The following RORA variants were observed in gnomAD, a reference collection of about 807,000 sequenced individuals.
RORA encodes RAR related orphan receptor A.
A neutral mutation model predicts 69.5 loss-of-function variants in RORA; 7 were observed. That is an observed-to-expected ratio of 0.10 (90% CI 0.06 to 0.19). The LOEUF is 0.19. Ranked by LOEUF, RORA falls within the 10% of genes least tolerant of loss-of-function variation. The probability of loss-of-function intolerance (pLI) is 1.00; values close to 1 mark genes in which losing one functional copy is unlikely to be tolerated. For missense variants in RORA, 457 were observed against 663.0 expected (o/e 0.69, Z 3.41); for synonymous variants, 261 against 240.8 (o/e 1.08, Z -0.78).
intron 1 of RORA, among the ~76,000 whole-genome samples, chr15:61,130,016 C>A (rs1476551995): frequency 6.6e-6 from 1 of 152,134 alleles, no homozygotes; most frequent in African/African-American, 2.4e-5. Flanking sequence ...CATGGCTGCA[C>A]CCTGATAGTG....
intron 2 of RORA, among the ~76,000 whole-genome samples, chr15:60,586,514 TAC>T (rs1281443226): frequency 3.9e-5 from 6 of 152,268 alleles, no homozygotes; most frequent in East Asian, 3.9e-4. Flanking sequence ...TCAAATGACT[TAC>T]AGTCTTTCAT....
rs543024919 is a variant in RORA, at chr15:60,713,194, G to A, written c.167-34508C>T. On this transcript the variant is annotated intron_variant, in intron 1 of 10. Transcript: ENST00000335670. ...CATAAAGCCAGCAATCCATGCCAGA[G>A]AAGCCCAGGAATGTTCCCCCTTAGT... 5.9e-5 allele frequency among the ~76,000 whole-genome samples: 9 copies of A among 152,210 alleles called. No individual in the cohort carries two copies. In the South Asian group the frequency reaches 1.9e-3, roughly 32 times the overall value.
At chr15:60,948,098 G>C (rs28558273) in intron 1 of RORA, among the ~76,000 whole-genome samples, 3,886 of 152,228 alleles carry the variant, frequency 0.026, 158 homozygotes, top group African/African-American at 0.088. Flanking sequence ...AGACGGCTAA[G>C]ACAACCAGGT....
chr15:61,095,279 G>A (rs1183854167), intron 1 of RORA, among the ~76,000 whole-genome samples: 1 of 152,038 alleles, frequency 6.6e-6, no homozygotes, highest in Non-Finnish European at 1.5e-5. Flanking sequence ...ATCATAGGGG[G>A]TAGTTTTTAG....
intron 2 of RORA, among the ~76,000 whole-genome samples, chr15:60,651,081 AC>A (rs2070136335): frequency 6.6e-6 from 1 of 152,172 alleles, no homozygotes; most frequent in African/African-American, 2.4e-5. Flanking sequence ...AGAGGAAGAA[AC>A]TTTTGGAGTA....
chr15:60,742,393 TATGGTGTACAAC>T (rs1326935976), intron 1 of RORA, among the ~76,000 whole-genome samples: 1 of 152,224 alleles, frequency 6.6e-6, no homozygotes, highest in Non-Finnish European at 1.5e-5. Context: ...GGTATGTGTC[TATGGTGTACAAC>T]ATATTTTGAT....
intron 1 of RORA, among the ~76,000 whole-genome samples, chr15:61,045,959 C>T (rs1394724174): frequency 6.6e-6 from 1 of 152,152 alleles, no homozygotes; most frequent in Non-Finnish European, 1.5e-5. Flanking sequence ...GCAGTCTCCC[C>T]CAGACATCTG....
At chr15:60,805,996 G>T (rs2198917) in intron 1 of RORA, among the ~76,000 whole-genome samples, 4 of 152,140 alleles carry the variant, frequency 2.6e-5, no homozygotes, top group Non-Finnish European at 5.9e-5. Context: ...ATCTGTAGGG[G>T]GTAGATTGGG....
intron 1 of RORA, among the ~76,000 whole-genome samples, chr15:60,705,127 G>GA (rs11425134): frequency 0.79 from 116,444 of 147,266 alleles, 46,098 homozygotes; most frequent in East Asian, 0.89. Context: ...TTTTGTGCCA[G>GA]AAAAAAAAAA....
At chr15:61,008,309 C>T (rs1050433442) in intron 1 of RORA, among the ~76,000 whole-genome samples, 3 of 150,912 alleles carry the variant, frequency 2.0e-5, no homozygotes, top group African/African-American at 7.3e-5. Flanking sequence ...CTTTTTCCTC[C>T]ATGGGACCCA....
rs146833888 is a variant in RORA at position 60,730,408 on chromosome 15, C to T, written c.167-51722G>A. On this transcript the variant is annotated intron_variant, in intron 1 of 10. Transcript: ENST00000335670. ...CTGATTTCTTTTGTGGTTGTCTTAT[C>T]GTTCAATTAATTTAAACCAACCATT... 9.2e-5 allele frequency among the ~76,000 whole-genome samples: 14 copies of T among 152,248 alleles called. No individual in the cohort carries two copies. The East Asian group carries it at 1.3e-3, about 15-fold the overall frequency.
chr15:61,156,586 AC>A (rs2079445719), intron 1 of RORA, among the ~76,000 whole-genome samples: 1 of 152,054 alleles, frequency 6.6e-6, no homozygotes, highest in African/African-American at 2.4e-5. Flanking sequence ...GAAGCCTGAG[AC>A]CCTAGGAGGT....
chr15:60,999,893 T>C (rs1566938792), intron 1 of RORA, among the ~76,000 whole-genome samples: 1 of 152,152 alleles, frequency 6.6e-6, no homozygotes, highest in Non-Finnish European at 1.5e-5. Flanking sequence ...TAAACAGACT[T>C]TGCATGTGAA....
chr15:60,689,090 C>A (rs188927536), intron 1 of RORA, among the ~76,000 whole-genome samples: 1 of 152,316 alleles, frequency 6.6e-6, no homozygotes, highest in East Asian at 1.9e-4. Flanking sequence ...GTTTCACCTA[C>A]CAACTAGTCG....
chr15:60,661,752 G>C (rs1031092398), intron 2 of RORA, among the ~76,000 whole-genome samples: 3 of 152,172 alleles, frequency 2.0e-5, no homozygotes, highest in Admixed American at 6.5e-5. Flanking sequence ...CAGAACCCGA[G>C]AGGTTCAGAT....
chr15:60,769,252 C>T (rs997584115), intron 1 of RORA, among the ~76,000 whole-genome samples: 5 of 152,158 alleles, frequency 3.3e-5, no homozygotes, highest in African/African-American at 1.2e-4. Context: ...AATGTGCAAA[C>T]TGCTATTTGA....
At chr15:60,945,429 C>G (rs576469601) in intron 1 of RORA, among the ~76,000 whole-genome samples, 1 of 152,234 alleles carries the variant, frequency 6.6e-6, no homozygotes, top group East Asian at 1.9e-4. Flanking sequence ...GAGCTCCCGT[C>G]AGGGGAAACG....
chr15:61,052,956 G>C (rs535385270), intron 1 of RORA, among the ~76,000 whole-genome samples: 1 of 152,262 alleles, frequency 6.6e-6, no homozygotes, highest in African/African-American at 2.4e-5. Context: ...AAAGTGCTTT[G>C]GGACTAAATT....
intron 1 of RORA, among the ~76,000 whole-genome samples, chr15:60,711,094 C>T (rs1047047326): frequency 3.9e-5 from 6 of 152,172 alleles, no homozygotes; most frequent in African/African-American, 1.4e-4. Context: ...CCCTGCAGCC[C>T]AATTTGGGCA....
Sources: allele counts gnomAD v4.1 joint callset (sites outside exome capture counted in the v4.1 genomes callset), GRCh38; gene constraint gnomAD v4.1.1; transcripts MANE v1.5; gene names NCBI Gene and HGNC (gene_info 2026-07-23, HGNC 2026-07-21).